The following ADAM32 variants were observed in gnomAD, a reference collection of about 807,000 sequenced individuals.
ADAM32 encodes the protein disintegrin and metalloproteinase domain-containing protein 32.
Under a neutral mutation model 114.9 loss-of-function variants are expected in ADAM32, and 89 were observed. The ratio of observed to expected loss-of-function variants is 0.77; its 90% confidence interval spans 0.65 to 0.92. ADAM32 has a LOEUF of 0.92. ADAM32 is among the 40% of genes least tolerant of loss of function. The pLI, the probability that ADAM32 is intolerant of heterozygous loss-of-function variation, is 0.00. For missense variants in ADAM32, 870 were observed against 932.8 expected (o/e 0.93, Z 0.88); for synonymous variants, 285 against 307.5 (o/e 0.93, Z 0.77).
At chr8:39,123,367 A>C (rs1801905065) in intron 2 of ADAM32, among the ~76,000 whole-genome samples, 1 of 152,118 alleles carries the variant, frequency 6.6e-6, no homozygotes, top group Non-Finnish European at 1.5e-5. Context: ...TAGAACAACT[A>C]AAAATACCTC....
At chr8:39,264,701 C>A (rs1398441311) in intron 19 of ADAM32, among the ~76,000 whole-genome samples, 12 of 152,094 alleles carry the variant, frequency 7.9e-5, no homozygotes, top group Non-Finnish European at 1.6e-4. Flanking sequence ...ATAAACTTTC[C>A]TCTTAACACT....
intron 19 of ADAM32, among the ~76,000 whole-genome samples, chr8:39,269,083 G>A (rs960228255): frequency 3.3e-5 from 5 of 152,180 alleles, no homozygotes; most frequent in African/African-American, 1.2e-4. Context: ...GGCGAGGGAG[G>A]GGGTCTTCCC....
chr8:39,140,352 T>G (rs1364069087), intron 3 of ADAM32, among the ~76,000 whole-genome samples: 1 of 152,012 alleles, frequency 6.6e-6, no homozygotes, highest in Non-Finnish European at 1.5e-5. Flanking sequence ...TTATTGAGAG[T>G]TTTTAGCATG....
rs188578193 is a variant in ADAM32 at position 39,257,161 on chromosome 8, T to C, written c.2006-26T>C. 5.3e-4 allele frequency: 804 copies of C among 1,517,512 alleles called. 4 individuals are homozygous for C. The African/African-American group carries it at 1.0e-2, about 19-fold the overall frequency. The allele number at this position is 1,517,512 out of a possible 1,614,324, so 94.0% of individuals were successfully genotyped here. A position where few individuals can be genotyped will look rare whatever the true frequency, so the allele number is the denominator to read the frequency against. On this transcript the variant is annotated intron_variant, in intron 18 of 24. Transcript: ENST00000379907. The stretch of plus-strand genomic sequence containing the variant: ...AGTAGATAGTTTAATTTTTTTGTTT[T>C]TTTTTTTTTGTATTTCTGTTTTTAG...
chr8:39,256,487 G>C lies in ADAM32; in HGVS notation c.2006-700G>C, dbSNP rs147081170. ...AGAAGTGATGCTGGCATATTATTCT[G>C]TTTGTGCCCCACAGCTTCCATTTCT... On this transcript the variant is annotated intron_variant, in intron 18 of 24. Transcript: ENST00000379907. Among the ~76,000 whole-genome samples, 521 of 152,082 alleles carry C rather than the reference G, an allele frequency of 3.4e-3. 2 individuals carry two copies. The highest frequency in any genetic ancestry group is 5.0e-3 in the Non-Finnish European group (340 of 67,860).
At chr8:39,250,513 A>T (rs943343537) in intron 17 of ADAM32, among the ~76,000 whole-genome samples, 1 of 152,040 alleles carries the variant, frequency 6.6e-6, no homozygotes, top group Admixed American at 6.6e-5. Context: ...AGCTTTCAGC[A>T]TATGAAGTAT....
At chr8:39,247,841 C>G (rs931575454) in intron 17 of ADAM32, among the ~76,000 whole-genome samples, 4 of 151,100 alleles carry the variant, frequency 2.6e-5, no homozygotes, top group African/African-American at 9.7e-5. Context: ...ACATTTAGGC[C>G]TATGACCCAT....
chr8:39,118,266 GTC>G (rs1840458969), intron 2 of ADAM32, 101 bp downstream of exon 2: 1 of 648,738 alleles, frequency 1.5e-6, no homozygotes, highest in South Asian at 4.1e-5. Flanking sequence ...TGAATATAAT[GTC>G]TCTTGTATTT....
At chr8:39,264,984 T>G (rs1475648910) in intron 19 of ADAM32, among the ~76,000 whole-genome samples, 3 of 152,188 alleles carry the variant, frequency 2.0e-5, no homozygotes, top group African/African-American at 7.2e-5. Flanking sequence ...ATTTTGTAGA[T>G]GTCTGTTAGG....
At chr8:39,107,653 G>T, upstream of ADAM32, 1 of 1,506,522 alleles carries the variant, frequency 6.6e-7, no homozygotes. Context: ...CCGTCTCCGG[G>T]GCCTCCGGAG....
At chr8:39,189,960 G>A (rs1235864941) in intron 11 of ADAM32, among the ~76,000 whole-genome samples, 3 of 152,070 alleles carry the variant, frequency 2.0e-5, no homozygotes, top group South Asian at 4.2e-4. Context: ...AACTATAGGC[G>A]CCAGCCACCA....
chr8:39,232,255 C>A, intron 15 of ADAM32, 120 bp downstream of exon 15: 1 of 682,018 alleles, frequency 1.5e-6, no homozygotes, highest in Non-Finnish European at 2.3e-6. Context: ...TAGGAGTGAA[C>A]CTCAAATCAA....
intron 10 of ADAM32, among the ~76,000 whole-genome samples, chr8:39,172,664 C>T (rs1403689330): frequency 6.6e-5 from 10 of 152,030 alleles, no homozygotes; most frequent in African/African-American, 2.2e-4. Context: ...TTCCTTTTTT[C>T]GACTGCATAC....
intron 2 of ADAM32, among the ~76,000 whole-genome samples, chr8:39,121,942 T>C (rs145920714): frequency 2.6e-5 from 4 of 152,220 alleles, no homozygotes; most frequent in Non-Finnish European, 5.9e-5. Flanking sequence ...TCTTGCTAGG[T>C]TTTGGACTTT....
intron 10 of ADAM32, among the ~76,000 whole-genome samples, chr8:39,178,700 G>A (rs977133951): frequency 6.6e-6 from 1 of 152,060 alleles, no homozygotes; most frequent in African/African-American, 2.4e-5. Flanking sequence ...GGGTTTTTGT[G>A]GGGCCTTTTT....
chr8:39,256,513 G>C (rs930876737), intron 18 of ADAM32, among the ~76,000 whole-genome samples: 1 of 151,968 alleles, frequency 6.6e-6, no homozygotes, highest in African/African-American at 2.4e-5. Flanking sequence ...TTCCATTTCT[G>C]TCATTAATTC....
chr8:39,187,385 C>T (rs1806314464), intron 11 of ADAM32, among the ~76,000 whole-genome samples: 1 of 152,196 alleles, frequency 6.6e-6, no homozygotes, highest in Non-Finnish European at 1.5e-5. Flanking sequence ...CATTCTCCTG[C>T]CTCGGCCTCC....
At chr8:39,253,731 C>T (rs1316439001) in intron 17 of ADAM32, among the ~76,000 whole-genome samples, 1 of 151,354 alleles carries the variant, frequency 6.6e-6, no homozygotes, top group Non-Finnish European at 1.5e-5. Context: ...ACGACTTGTA[C>T]ACTGAAAACT....
chr8:39,246,256 A>G (rs1810912201), intron 17 of ADAM32, 90 bp downstream of exon 17: 2 of 1,098,426 alleles, frequency 1.8e-6, no homozygotes, highest in Non-Finnish European at 2.7e-6. Flanking sequence ...GGTCACTACC[A>G]TGTGACAGAC....
Sources: allele counts gnomAD v4.1 joint callset (sites outside exome capture counted in the v4.1 genomes callset), GRCh38; gene constraint gnomAD v4.1.1; transcripts MANE v1.5; gene names NCBI Gene and HGNC (gene_info 2026-07-23, HGNC 2026-07-21).